Variants in DAGLA observed in about 807,000 individuals in gnomAD.
DAGLA encodes the protein diacylglycerol lipase alpha.
DAGLA carries 22 observed loss-of-function variants against 102.6 expected under a neutral mutation model. The observed-to-expected ratio is 0.21, with a 90% CI of 0.15 to 0.31. The LOEUF is 0.31. DAGLA is among the 10% of genes least tolerant of loss of function. The pLI, the probability that DAGLA is intolerant of heterozygous loss-of-function variation, is 1.00. For synonymous variants in DAGLA, 578 were observed against 628.9 expected, an observed-to-expected ratio of 0.92 and a Z score of 1.21; for missense variants, 927 against 1,446.6, an observed-to-expected ratio of 0.64 and a Z score of 5.83.
At chr11:61,731,219 G>A (rs1481437667) in intron 8 of DAGLA, 98 bp from the exon 9 acceptor site, 7 of 1,484,368 alleles carry the variant, frequency 4.7e-6, no homozygotes, top group Non-Finnish European at 6.4e-6. Flanking sequence ...CCCTGCCAGG[G>A]GTTGGGTCCG....
At chr11:61,735,680 C>G in intron 11 of DAGLA, 36 bp downstream of exon 11, 1 of 1,612,842 alleles carries the variant, frequency 6.2e-7, no homozygotes, top group Non-Finnish European at 8.5e-7. Flanking sequence ...CCGGGGGTGC[C>G]TGCCTCCCTC....
rs1399935761 is a variant in DAGLA at position 61,686,088 on chromosome 11, G to A, written c.-45+5584G>A. 4.6e-5 allele frequency among the ~76,000 whole-genome samples: 7 copies of A among 152,220 alleles called. No homozygotes were observed. Among genetic ancestry groups the A allele is most frequent in the African/African-American group, 1.4e-4 (6 of 41,532 alleles). ...AGGGTACTGAGGGACAAGAGTAGGG[G>A]GTGCCCAGGTACAGAGGGCTTGAAC... On this transcript the variant is annotated intron_variant, in intron 1 of 19. Coordinates refer to ENST00000257215, the MANE Select transcript of DAGLA (RefSeq NM_006133.3). The surrounding 1 kb of genome is among the most constrained non-coding windows in gnomAD (Gnocchi z 5.2).
In DAGLA at chr11:61,734,822, C is replaced by G; in HGVS notation, c.975-27C>G. On this transcript the variant is annotated intron_variant, in intron 9 of 19. Transcript: ENST00000257215. The surrounding 1 kb of genome is among the most constrained non-coding windows in gnomAD (Gnocchi z 4.2). ...TTGTTCCCTCGGGGACTCCCTGGCC[C>G]TGAACTCTCTTGTCACCCCACCCTA... The G allele has an allele frequency of 6.2e-7, 1 of 1,602,254 alleles. No individual in the cohort carries two copies. The highest frequency in any genetic ancestry group is 1.3e-5 in the African/African-American group (1 of 74,848).
At chr11:61,738,887 G>T (rs1384974941) in intron 16 of DAGLA, among the ~76,000 whole-genome samples, 1 of 152,130 alleles carries the variant, frequency 6.6e-6, no homozygotes, top group East Asian at 1.9e-4. Context: ...GCCCCGTCTG[G>T]ACCGTTCCCA....
chr11:61,741,100 C>A, intron 18 of DAGLA, 62 bp from the exon 19 acceptor site: 1 of 1,464,478 alleles, frequency 6.8e-7, no homozygotes. Context: ...GGCTCCACAT[C>A]GGCCCCACGA....
At chr11:61,733,924 ACAGAGGCC>A (rs57869518) in intron 9 of DAGLA, among the ~76,000 whole-genome samples, 39,810 of 151,798 alleles carry the variant, frequency 0.26, 5,411 homozygotes, top group East Asian at 0.48. Flanking sequence ...GGACGTTTGA[ACAGAGGCC>A]CAGAGGAGCA....
intron 1 of DAGLA, among the ~76,000 whole-genome samples, chr11:61,690,572 A>T (rs1252796939): frequency 6.6e-6 from 1 of 152,138 alleles, no homozygotes; most frequent in Non-Finnish European, 1.5e-5. Context: ...TGTGCTCAGG[A>T]CAGTCCCATG....
At chr11:61,700,472 C>G (rs1376924829) in intron 1 of DAGLA, among the ~76,000 whole-genome samples, 2 of 152,198 alleles carry the variant, frequency 1.3e-5, no homozygotes, top group Non-Finnish European at 2.9e-5. Flanking sequence ...CCTGCCTCCC[C>G]AACACCTGCC....
intron 17 of DAGLA, 26 bp from the exon 18 acceptor site, chr11:61,740,437 C>T: frequency 6.2e-7 from 1 of 1,609,556 alleles, no homozygotes; most frequent in East Asian, 2.2e-5. Context: ...CCACCCTTAA[C>T]TCCCCTCTGT....
chr11:61,739,184 G>A (rs1344604630), intron 16 of DAGLA, among the ~76,000 whole-genome samples: 1 of 152,168 alleles, frequency 6.6e-6, no homozygotes, highest in African/African-American at 2.4e-5. Flanking sequence ...TAGATGAGGG[G>A]TTGGCTGGGC....
intron 1 of DAGLA, among the ~76,000 whole-genome samples, chr11:61,689,668 C>G (rs190824668): frequency 4.9e-4 from 53 of 107,750 alleles, no homozygotes; most frequent in African/African-American, 9.8e-4. Flanking sequence ...CCACGCCCGG[C>G]TAATTTTTTG....
intron 15 of DAGLA, 63 bp downstream of exon 15, chr11:61,737,818 C>T (rs1257263242): frequency 9.5e-6 from 13 of 1,372,406 alleles, no homozygotes; most frequent in African/African-American, 1.4e-5. Flanking sequence ...CCAGGCCTCT[C>T]CCCACCCCCA....
intron 1 of DAGLA, among the ~76,000 whole-genome samples, chr11:61,696,618 G>A (rs1461968653): frequency 6.6e-6 from 1 of 151,498 alleles, no homozygotes. Flanking sequence ...GTGGGGTGGG[G>A]AGCTGTGAGA....
At chr11:61,705,043 AG>A (rs2065138586) in intron 1 of DAGLA, among the ~76,000 whole-genome samples, 1 of 151,492 alleles carries the variant, frequency 6.6e-6, no homozygotes, top group South Asian at 2.1e-4. Context: ...GACTGGGGGG[AG>A]GGGGAGGACA....
Position 61,741,468 on chromosome 11 carries a change from G to A in DAGLA, c.2171+119G>A, listed in dbSNP as rs554380595. The A allele has an allele frequency of 5.2e-6, 6 of 1,143,060 alleles. No homozygotes were observed. The East Asian group carries it at 1.6e-4, about 30-fold the overall frequency. The allele number at this position is 1,143,060 out of a possible 1,614,324, so 70.8% of individuals were successfully genotyped here. A position where few individuals can be genotyped will look rare whatever the true frequency, so the allele number is the denominator to read the frequency against. ...TCAGCTCTGCACACGTGCACAGGAG[G>A]GGTCAAACTCACCCTCTGTGCTCTA... On this transcript the variant is annotated intron_variant, in intron 19 of 19. Transcript: ENST00000257215.
chr11:61,701,294 A>G (rs1457082736), intron 1 of DAGLA, among the ~76,000 whole-genome samples: 2 of 152,220 alleles, frequency 1.3e-5, no homozygotes, highest in African/African-American at 4.8e-5. Flanking sequence ...AAGGCCCCAG[A>G]AGAGCAGAGA....
chr11:61,716,173 C>T (rs770825596), intron 1 of DAGLA, among the ~76,000 whole-genome samples: 2 of 151,928 alleles, frequency 1.3e-5, no homozygotes, highest in Non-Finnish European at 2.9e-5. Flanking sequence ...AGAGGTGTGG[C>T]GATGGGTACT....
chr11:61,737,067 G>A (rs1050390876), intron 13 of DAGLA, 115 bp from the exon 14 acceptor site: 29 of 1,448,918 alleles, frequency 2.0e-5, no homozygotes, highest in Non-Finnish European at 2.6e-5. Flanking sequence ...ACACAGCACA[G>A]ACAAGATCCC....
intron 1 of DAGLA, among the ~76,000 whole-genome samples, chr11:61,715,946 G>A (rs541385259): frequency 2.6e-5 from 4 of 152,224 alleles, no homozygotes; most frequent in Non-Finnish European, 5.9e-5. Context: ...AGCCAGAGGG[G>A]GGGGAGAGGG....
Sources: allele counts gnomAD v4.1 joint callset (sites outside exome capture counted in the v4.1 genomes callset), GRCh38; gene constraint gnomAD v4.1.1; non-coding constraint Gnocchi (gnomAD v3.1); transcripts MANE v1.5; gene names NCBI Gene and HGNC (gene_info 2026-07-23, HGNC 2026-07-21).